Variants in EPHB2 observed in about 807,000 individuals in gnomAD.
The protein encoded by EPHB2 is ephrin type-B receptor 2.
EPHB2 carries 18 observed loss-of-function variants against 96.4 expected under a neutral mutation model. The observed-to-expected ratio is 0.19, with a 90% CI of 0.13 to 0.28. The LOEUF is 0.28. Among genes scored for constraint, EPHB2 ranks in the 10% least tolerant of loss-of-function variants. The pLI, the probability that EPHB2 is intolerant of heterozygous loss-of-function variation, is 1.00. For synonymous variants in EPHB2, 506 were observed against 534.1 expected (o/e 0.95, Z 0.72); for missense variants, 989 against 1,355.4 (o/e 0.73, Z 4.25).
intron 9 of EPHB2, among the ~76,000 whole-genome samples, chr1:22,900,608 C>G (rs1292433665): frequency 6.6e-6 from 1 of 152,044 alleles, no homozygotes; most frequent in Non-Finnish European, 1.5e-5. Context: ...TCCCATGCTC[C>G]GTCTCCTGGA....
intron 3 of EPHB2, among the ~76,000 whole-genome samples, chr1:22,796,787 T>C (rs1445097343): frequency 2.0e-5 from 3 of 152,256 alleles, no homozygotes. Context: ...GTGCTCACTC[T>C]GTGCCAGGCT....
intron 1 of EPHB2, among the ~76,000 whole-genome samples, chr1:22,750,568 C>CT (rs768190227): frequency 3.3e-5 from 5 of 152,186 alleles, no homozygotes; most frequent in Non-Finnish European, 7.3e-5. Context: ...GAGAAAGTCT[C>CT]TGTTTCCTGC....
chr1:22,788,815 T>G (rs1410614683), intron 3 of EPHB2, among the ~76,000 whole-genome samples: 7 of 150,012 alleles, frequency 4.7e-5, no homozygotes, highest in Non-Finnish European at 1.5e-5. Flanking sequence ...AGCGTAGTGG[T>G]GCAGTCTCAA....
chr1:22,856,943 AC>A (rs1000072444), intron 3 of EPHB2, among the ~76,000 whole-genome samples: 1 of 152,208 alleles, frequency 6.6e-6, no homozygotes, highest in Non-Finnish European at 1.5e-5. Context: ...TCACTGTCCA[AC>A]CAGGGAGATA....
At chr1:22,840,809 G>A (rs546396623) in intron 3 of EPHB2, among the ~76,000 whole-genome samples, 2 of 152,116 alleles carry the variant, frequency 1.3e-5, no homozygotes, top group African/African-American at 2.4e-5. Context: ...CACCCATTCC[G>A]TGCAGACACA....
At chr1:22,862,618 G>A (rs546633582) in intron 3 of EPHB2, among the ~76,000 whole-genome samples, 6 of 152,134 alleles carry the variant, frequency 3.9e-5, no homozygotes, top group Non-Finnish European at 5.9e-5. Context: ...TTCTTCTGCC[G>A]TATAATCATC....
intron 3 of EPHB2, among the ~76,000 whole-genome samples, chr1:22,802,881 G>A (rs929571661): frequency 3.9e-5 from 6 of 152,178 alleles, no homozygotes; most frequent in African/African-American, 1.2e-4. Context: ...GATCTGCCAT[G>A]GCCTCTGCCC....
At chr1:22,816,700 A>G (rs78130207) in intron 3 of EPHB2, among the ~76,000 whole-genome samples, 1,587 of 152,282 alleles carry the variant, frequency 0.01, 13 homozygotes, top group Non-Finnish European at 0.015. Context: ...GTAGCCCCTC[A>G]CAGCAACTGT....
At chr1:22,895,704 G>A in intron 8 of EPHB2, 124 bp downstream of exon 8, 1 of 927,534 alleles carries the variant, frequency 1.1e-6, no homozygotes, top group Non-Finnish European at 1.7e-6. Flanking sequence ...AGGGAGAGAT[G>A]TGGGTAGGAA....
At position 22,906,110 on chromosome 1, in the gene EPHB2, G is replaced by A; in HGVS notation, c.1888+1G>A. On this transcript the variant is annotated splice_donor_variant, in intron 10 of 15. Coordinates refer to ENST00000374630, the MANE Select transcript of EPHB2 (RefSeq NM_017449.5). LOFTEE classifies it high-confidence loss of function. The surrounding 1 kb of genome is among the most constrained non-coding windows in gnomAD (Gnocchi z 4.8). Reference sequence around the variant, plus strand: ...AAAATTGAGCAGGTGATCGGAGCAGGTAGGTGGCTGGTACTCTCACATGTA... The same window carrying A: ...AAAATTGAGCAGGTGATCGGAGCAGATAGGTGGCTGGTACTCTCACATGTA... 1 of 1,614,168 alleles carries A rather than the reference G, an allele frequency of 6.2e-7. No individual in the cohort carries two copies. Among genetic ancestry groups the A allele is most frequent in the Non-Finnish European group, 8.5e-7 (1 of 1,180,032 alleles).
chr1:22,761,005 TC>T (rs2148394428), intron 1 of EPHB2, among the ~76,000 whole-genome samples: 1 of 152,266 alleles, frequency 6.6e-6, no homozygotes, highest in South Asian at 2.1e-4. Context: ...GCCAGCTGTC[TC>T]CAGAGCCAGT....
intron 3 of EPHB2, among the ~76,000 whole-genome samples, chr1:22,786,577 C>T (rs1009811751): frequency 6.6e-6 from 1 of 152,172 alleles, no homozygotes; most frequent in Non-Finnish European, 1.5e-5. Flanking sequence ...CCCTCGGAGA[C>T]AAGCAAGGCA....
intron 3 of EPHB2, among the ~76,000 whole-genome samples, chr1:22,813,398 G>C (rs902668921): frequency 6.6e-6 from 1 of 152,216 alleles, no homozygotes; most frequent in Non-Finnish European, 1.5e-5. Context: ...GAAGAATGGG[G>C]TGAAGTTGGG....
At chr1:22,864,441 G>A (rs879851000) in intron 4 of EPHB2, among the ~76,000 whole-genome samples, 6 of 152,154 alleles carry the variant, frequency 3.9e-5, no homozygotes, top group Non-Finnish European at 5.9e-5. Flanking sequence ...AAAGGGACAC[G>A]CCATAGCTGT....
chr1:22,788,865 G>T (rs1483435843), intron 3 of EPHB2, among the ~76,000 whole-genome samples: 1 of 148,224 alleles, frequency 6.7e-6, no homozygotes, highest in Non-Finnish European at 1.5e-5. Context: ...AGCAATTCTT[G>T]TGCCTCAGCC....
At chr1:22,803,173 T>C (rs1400149627) in intron 3 of EPHB2, among the ~76,000 whole-genome samples, 1 of 152,130 alleles carries the variant, frequency 6.6e-6, no homozygotes, top group Admixed American at 6.5e-5. Flanking sequence ...GCATCTCCTG[T>C]CCCTCAAATC....
In EPHB2 at chr1:22,846,912, A is replaced by G. The variant is rs995820006; in HGVS notation, c.812-16125A>G. Among the ~76,000 whole-genome samples, 1 of 152,202 alleles carries G rather than the reference A, an allele frequency of 6.6e-6. No individual in the cohort carries two copies. The highest frequency in any genetic ancestry group is 1.5e-5 in the Non-Finnish European group (1 of 68,032). ...GCTTACTGACCGGGGCATCTTCCCC[A>G]CCAGGCTGGGAGCCCCTTGAGCTGT... On this transcript the variant is annotated intron_variant, in intron 3 of 15. Transcript: ENST00000374630. This position sits in a 1 kb window ranked among gnomAD's most constrained non-coding sequence, Gnocchi z 4.3.
intron 3 of EPHB2, among the ~76,000 whole-genome samples, chr1:22,815,288 G>A (rs1458407484): frequency 1.3e-5 from 2 of 152,140 alleles, no homozygotes; most frequent in Non-Finnish European, 2.9e-5. Flanking sequence ...GGTACAGGAG[G>A]CTGGGTTTGA....
At chr1:22,759,008 T>G (rs904657960) in intron 1 of EPHB2, among the ~76,000 whole-genome samples, 3 of 151,852 alleles carry the variant, frequency 2.0e-5, no homozygotes, top group Non-Finnish European at 4.4e-5. Context: ...GATGGATGGA[T>G]GGATGATGGG....
Sources: allele counts gnomAD v4.1 joint callset (sites outside exome capture counted in the v4.1 genomes callset), GRCh38; gene constraint gnomAD v4.1.1; non-coding constraint Gnocchi (gnomAD v3.1); transcripts MANE v1.5; gene names NCBI Gene and HGNC (gene_info 2026-07-23, HGNC 2026-07-21).